LRRC4C: variants seen among roughly 807,000 people sequenced by gnomAD.
The protein encoded by LRRC4C is leucine rich repeat containing 4C.
Under a neutral mutation model 33.6 loss-of-function variants are expected in LRRC4C, and 5 were observed. That is an observed-to-expected ratio of 0.15 (90% confidence interval 0.08 to 0.31). The LOEUF (loss-of-function observed/expected upper bound fraction) is 0.31, where lower values mean the gene tolerates loss of function less well. Among genes scored for constraint, LRRC4C ranks in the 10% least tolerant of loss-of-function variants. The pLI is 1.00. For missense variants in LRRC4C, 560 were observed against 796.7 expected (o/e 0.70, Z 3.58); for synonymous variants, 329 against 302.0 (o/e 1.09, Z -0.93).
At chr11:40,499,981 C>T (rs1255780705) in intron 3 of LRRC4C, among the ~76,000 whole-genome samples, 1 of 151,906 alleles carries the variant, frequency 6.6e-6, no homozygotes, top group Non-Finnish European at 1.5e-5. Flanking sequence ...GGGCCCTTAC[C>T]CATCCTCTGT....
chr11:40,440,318 T>A (rs1027859496), intron 3 of LRRC4C, among the ~76,000 whole-genome samples: 7 of 148,142 alleles, frequency 4.7e-5, no homozygotes, highest in Admixed American at 2.0e-4. Flanking sequence ...TTTTTTTTTT[T>A]AATACATTTT....
In LRRC4C at chr11:40,114,501, A is replaced by G; in HGVS notation, c.1792T>C (p.Tyr598His). ...PAIEHEHLNH[Y>H]NSYKSPFNHT... ...TTGAAGGGAGATTTGTATGAGTTAT[A>G]GTGATTTAGGTGCTCATGCTCGATA... The change falls in exon 7 of 7, where the codon TAT becomes CAT. Residue 598 changes from tyrosine to histidine, a missense_variant. Coordinates refer to ENST00000528697, the MANE Select transcript of LRRC4C (RefSeq NM_001258419.2). 1 of 1,614,100 alleles carries G rather than the reference A, an allele frequency of 6.2e-7. No homozygotes were observed. The highest frequency in any genetic ancestry group is 1.1e-5 in the South Asian group (1 of 91,082).
At chr11:41,075,884 A>G (rs1243714419) in intron 1 of LRRC4C, among the ~76,000 whole-genome samples, 2 of 152,080 alleles carry the variant, frequency 1.3e-5, no homozygotes, top group African/African-American at 4.8e-5. Context: ...CCTTTTAGTA[A>G]CCTCTGATTC....
At chr11:40,290,819 T>C (rs1032610059) in intron 4 of LRRC4C, among the ~76,000 whole-genome samples, 9 of 152,108 alleles carry the variant, frequency 5.9e-5, no homozygotes, top group Admixed American at 5.2e-4. Flanking sequence ...AAAATGAATG[T>C]TGGAGTTTGT....
intron 3 of LRRC4C, among the ~76,000 whole-genome samples, chr11:40,522,322 G>A (rs185385302): frequency 3.3e-5 from 5 of 152,310 alleles, no homozygotes; most frequent in South Asian, 2.1e-4. Context: ...GAGCCCTGGC[G>A]CCTGGCCAGA....
chr11:40,534,034 G>A (rs10501237), intron 3 of LRRC4C, among the ~76,000 whole-genome samples: 13,371 of 152,152 alleles, frequency 0.088, 1,669 homozygotes, highest in African/African-American at 0.28. Context: ...TAGGAACATT[G>A]TTATGAACTT....
intron 1 of LRRC4C, among the ~76,000 whole-genome samples, chr11:41,060,833 T>C (rs547446861): frequency 1.5e-4 from 23 of 152,314 alleles, no homozygotes; most frequent in African/African-American, 5.5e-4. Flanking sequence ...TATCTTTGAT[T>C]TCTCTGTCTT....
At chr11:41,428,835 G>T (rs989481453) in intron 1 of LRRC4C, among the ~76,000 whole-genome samples, 3 of 152,134 alleles carry the variant, frequency 2.0e-5, no homozygotes, top group Non-Finnish European at 4.4e-5. Context: ...GGAGACAGAT[G>T]TAATTAAATA....
intron 1 of LRRC4C, among the ~76,000 whole-genome samples, chr11:41,445,250 G>A (rs1290510362): frequency 1.3e-5 from 2 of 152,124 alleles, no homozygotes; most frequent in Admixed American, 6.5e-5. Flanking sequence ...TGAAAACACT[G>A]TAATCTCTCA....
At chr11:41,229,352 G>C (rs967036305) in intron 1 of LRRC4C, among the ~76,000 whole-genome samples, 2 of 152,104 alleles carry the variant, frequency 1.3e-5, no homozygotes, top group African/African-American at 4.8e-5. Context: ...TCTAGTTCCA[G>C]AACTGTGAGA....
intron 1 of LRRC4C, among the ~76,000 whole-genome samples, chr11:41,416,433 A>G (rs1954683119): frequency 1.3e-5 from 2 of 152,082 alleles, no homozygotes; most frequent in South Asian, 4.1e-4. Context: ...CAAAACCAAG[A>G]AAGGAACATC....
intron 4 of LRRC4C, among the ~76,000 whole-genome samples, chr11:40,256,641 C>T (rs559189677): frequency 1.5e-4 from 23 of 152,298 alleles, no homozygotes; most frequent in African/African-American, 5.3e-4. Flanking sequence ...ATAACCACAT[C>T]TCCTGAATCC....
At chr11:40,124,914 C>T (rs983246852) in intron 6 of LRRC4C, among the ~76,000 whole-genome samples, 3 of 151,852 alleles carry the variant, frequency 2.0e-5, no homozygotes, top group African/African-American at 7.3e-5. Context: ...TCTTATGTAT[C>T]CCATAAATAT....
intron 1 of LRRC4C, among the ~76,000 whole-genome samples, chr11:41,378,151 A>T (rs2958835): frequency 0.46 from 70,009 of 151,362 alleles, 16,371 homozygotes; most frequent in South Asian, 0.55. Flanking sequence ...GGGAAGCAAT[A>T]AAAAAAAAGC....
chr11:40,180,978 T>C (rs1230393532), intron 5 of LRRC4C, among the ~76,000 whole-genome samples: 7 of 152,202 alleles, frequency 4.6e-5, no homozygotes, highest in African/African-American at 1.4e-4. Flanking sequence ...AGTCCAGTGA[T>C]GGCATCTAAT....
intron 1 of LRRC4C, among the ~76,000 whole-genome samples, chr11:41,139,229 C>A (rs1943398237): frequency 3.3e-5 from 5 of 151,986 alleles, no homozygotes; most frequent in Non-Finnish European, 5.9e-5. Context: ...GAATAACAAC[C>A]AATGGGAACA....
At chr11:40,603,828 A>T (rs560371681) in intron 3 of LRRC4C, among the ~76,000 whole-genome samples, 8 of 152,310 alleles carry the variant, frequency 5.3e-5, no homozygotes, top group African/African-American at 1.7e-4. Flanking sequence ...AAGTGGAGAG[A>T]AGCTGTTATA....
intron 2 of LRRC4C, among the ~76,000 whole-genome samples, chr11:40,762,919 A>G (rs1287112542): frequency 1.3e-5 from 2 of 151,806 alleles, no homozygotes; most frequent in Non-Finnish European, 2.9e-5. Context: ...TTTCATGGCT[A>G]TTTAAATTTC....
Position 41,113,990 on chromosome 11 carries a change from A to G in LRRC4C, c.-495-180267T>C, listed in dbSNP as rs147462515. On this transcript the variant is annotated intron_variant, in intron 1 of 6. Transcript: ENST00000528697. ...CAGTGTTTAAAAGAGCCCATTTTCT[A>G]TTAAGGCAATCAAACTGTTATTAAA... Among the ~76,000 whole-genome samples the G allele has an allele frequency of 1.3e-3, 199 of 152,194 alleles. 4 individuals are homozygous for G. The East Asian group carries it at 0.034, about 26-fold the overall frequency.
Sources: allele counts gnomAD v4.1 joint callset (sites outside exome capture counted in the v4.1 genomes callset), GRCh38; gene constraint gnomAD v4.1.1; transcripts MANE v1.5; gene names NCBI Gene and HGNC (gene_info 2026-07-23, HGNC 2026-07-21).